The following MAPK10 variants were observed in gnomAD, a reference collection of about 807,000 sequenced individuals.
MAPK10 encodes JNK3 alpha protein kinase.
A neutral mutation model predicts 59.3 loss-of-function variants in MAPK10; 25 were observed. That is an observed-to-expected ratio of 0.42 (90% CI 0.31 to 0.59). MAPK10 has a LOEUF of 0.59. Among genes scored for constraint, MAPK10 ranks in the 20% least tolerant of loss-of-function variants. The pLI, the probability that MAPK10 is intolerant of heterozygous loss-of-function variation, is 0.15. For missense variants in MAPK10, 351 were observed against 568.9 expected, an observed-to-expected ratio of 0.62 and a Z score of 3.90; for synonymous variants, 190 against 200.5, an observed-to-expected ratio of 0.95 and a Z score of 0.44.
intron 9 of MAPK10, among the ~76,000 whole-genome samples, chr4:86,088,255 C>T (rs994023073): frequency 3.3e-5 from 5 of 152,180 alleles, no homozygotes; most frequent in East Asian, 1.9e-4. Context: ...GATCACTGCT[C>T]ACTGCAGCTT....
intron 1 of MAPK10, among the ~76,000 whole-genome samples, chr4:86,397,871 A>AC (rs1306312067): frequency 2.7e-5 from 4 of 150,510 alleles, no homozygotes; most frequent in Non-Finnish European, 5.9e-5. Flanking sequence ...TGGCAAAAAA[A>AC]AAAAAAAAAA....
intron 3 of MAPK10, among the ~76,000 whole-genome samples, chr4:86,181,092 T>G (rs1321617470): frequency 6.6e-6 from 1 of 152,158 alleles, no homozygotes; most frequent in Non-Finnish European, 1.5e-5. Flanking sequence ...AACATCACTA[T>G]GTACCTCCAT....
intron 11 of MAPK10, chr4:86,032,200 A>C (rs994309205): frequency 6.6e-6 from 1 of 152,158 alleles, no homozygotes; most frequent in African/African-American, 2.4e-5. Flanking sequence ...AATGTGGAAA[A>C]GGAGGGATTT....
intron 4 of MAPK10, among the ~76,000 whole-genome samples, chr4:86,136,145 G>C (rs2062023928): frequency 6.6e-6 from 1 of 152,260 alleles, no homozygotes; most frequent in East Asian, 1.9e-4. Context: ...CCCCAGTCTA[G>C]CAAGGCAGGC....
intron 1 of MAPK10, among the ~76,000 whole-genome samples, chr4:86,547,012 A>C (rs1759241211): frequency 6.6e-6 from 1 of 152,214 alleles, no homozygotes; most frequent in Non-Finnish European, 1.5e-5. Flanking sequence ...AGATTGCGCC[A>C]CTGCACTCCA....
At chr4:86,314,556 C>T (rs561283698) in intron 2 of MAPK10, among the ~76,000 whole-genome samples, 8 of 152,224 alleles carry the variant, frequency 5.3e-5, no homozygotes, top group Non-Finnish European at 7.4e-5. Flanking sequence ...CCAATTAAAC[C>T]TCTTTTTCTT....
rs1238956952 is a variant in MAPK10 at position 86,507,627 on chromosome 4, T to G, written c.-263+86283A>C. ...AGAATAAACTGGAGATATATATATA[T>G]ATATATATATATATATATATATATA... On this transcript the variant is annotated intron_variant, in intron 1 of 4. Coordinates refer to the MAPK10 transcript ENST00000502302. 1.2e-3 allele frequency among the ~76,000 whole-genome samples: 55 copies of G among 44,970 alleles called. 1 individual carries two copies. Among genetic ancestry groups the G allele is most frequent in the Non-Finnish European group, 1.4e-3 (34 of 23,702 alleles). The allele number at this position is 44,970 out of a possible 152,430, so 29.5% of individuals were successfully genotyped here. A position where few individuals can be genotyped will look rare whatever the true frequency, so the allele number is the denominator to read the frequency against.
chr4:86,212,166 A>G (rs1337704818), intron 2 of MAPK10, among the ~76,000 whole-genome samples: 1 of 152,162 alleles, frequency 6.6e-6, no homozygotes, highest in Non-Finnish European at 1.5e-5. Flanking sequence ...ATTTAAAAAA[A>G]AAACACCATC....
At chr4:86,362,345 C>T (rs1310808713), upstream of MAPK10, among the ~76,000 whole-genome samples, 1 of 151,446 alleles carries the variant, frequency 6.6e-6, no homozygotes, top group Non-Finnish European at 1.5e-5. Context: ...TATAATATAA[C>T]TTTTTTTAAA....
chr4:86,221,115 A>C (rs1028127181), intron 2 of MAPK10, among the ~76,000 whole-genome samples: 7 of 152,198 alleles, frequency 4.6e-5, no homozygotes, highest in African/African-American at 7.2e-5. Context: ...GGACAGACAG[A>C]CAGCCAAGGA....
At chr4:86,523,084 T>G (rs1026075682) in intron 1 of MAPK10, among the ~76,000 whole-genome samples, 10 of 152,218 alleles carry the variant, frequency 6.6e-5, no homozygotes, top group African/African-American at 2.4e-4. Context: ...AATTTCTAAT[T>G]TTTCATATCA....
At chr4:86,532,888 C>T (rs975316704) in intron 1 of MAPK10, among the ~76,000 whole-genome samples, 3 of 152,202 alleles carry the variant, frequency 2.0e-5, no homozygotes, top group Admixed American at 6.5e-5. Context: ...TCCACAATCT[C>T]CAGCTCTACC....
At chr4:86,300,398 A>G (rs1315177490) in intron 2 of MAPK10, among the ~76,000 whole-genome samples, 1 of 152,174 alleles carries the variant, frequency 6.6e-6, no homozygotes, top group Non-Finnish European at 1.5e-5. Context: ...TTTGAGCCCC[A>G]TATTCATGCA....
At chr4:86,068,894 T>C (rs912362590) in intron 9 of MAPK10, among the ~76,000 whole-genome samples, 5 of 152,174 alleles carry the variant, frequency 3.3e-5, no homozygotes, top group African/African-American at 1.2e-4. Context: ...ACAACTGATT[T>C]AAACAGATTT....
intron 9 of MAPK10, chr4:86,091,303 G>A (rs1228869025): frequency 1.3e-5 from 2 of 151,348 alleles, no homozygotes; most frequent in Non-Finnish European, 2.9e-5. Context: ...TCTTTCCAGT[G>A]GAGGAATCTC....
At chr4:86,105,893 A>G (rs2056456313) in intron 5 of MAPK10, among the ~76,000 whole-genome samples, 1 of 152,060 alleles carries the variant, frequency 6.6e-6, no homozygotes, top group African/African-American at 2.4e-5. Flanking sequence ...CCCACCATAC[A>G]CTGACCAGCA....
intron 2 of MAPK10, among the ~76,000 whole-genome samples, chr4:86,256,734 CTTTTT>C (rs767737802): frequency 1.8e-4 from 11 of 59,618 alleles, no homozygotes; most frequent in African/African-American, 1.1e-3. Flanking sequence ...TTCTTTCTTT[CTTTTT>C]TTTTTTTTTT....
upstream of MAPK10, among the ~76,000 whole-genome samples, chr4:86,363,279 A>G (rs1307907457): frequency 6.6e-6 from 1 of 152,196 alleles, no homozygotes; most frequent in Admixed American, 6.5e-5. Flanking sequence ...TAATAGGAGG[A>G]TGGAACACTA....
intron 3 of MAPK10, among the ~76,000 whole-genome samples, chr4:86,162,077 T>C (rs1437498871): frequency 3.3e-5 from 5 of 151,900 alleles, no homozygotes; most frequent in Admixed American, 6.6e-5. Context: ...ACATATTATT[T>C]GCCAAATACT....
Sources: allele counts gnomAD v4.1 joint callset (sites outside exome capture counted in the v4.1 genomes callset), GRCh38; gene constraint gnomAD v4.1.1; transcripts MANE v1.5; gene names NCBI Gene and HGNC (gene_info 2026-07-23, HGNC 2026-07-21).